The following HMBOX1 variants were observed in gnomAD, a reference collection of about 807,000 sequenced individuals.
HMBOX1 encodes the protein homeobox-containing protein 1.
A neutral mutation model predicts 54.5 loss-of-function variants in HMBOX1; 14 were observed. The observed-to-expected ratio is 0.26, with a 90% CI of 0.17 to 0.40. The LOEUF (loss-of-function observed/expected upper bound fraction) is 0.40, where lower values mean the gene tolerates loss of function less well. Among genes scored for constraint, HMBOX1 ranks in the 10% least tolerant of loss-of-function variants. The pLI, the probability that HMBOX1 is intolerant of heterozygous loss-of-function variation, is 1.00. For missense variants in HMBOX1, 332 were observed against 514.4 expected, an observed-to-expected ratio of 0.65 and a Z score of 3.43; for synonymous variants, 160 against 181.0, an observed-to-expected ratio of 0.88 and a Z score of 0.93.
At chr8:28,973,453 A>C (rs1827786273) in intron 3 of HMBOX1, among the ~76,000 whole-genome samples, 2 of 152,122 alleles carry the variant, frequency 1.3e-5, no homozygotes, top group Non-Finnish European at 2.9e-5. Context: ...CCCCTCCCCC[A>C]TGATATTTGC....
intron 3 of HMBOX1, among the ~76,000 whole-genome samples, chr8:28,972,156 T>C (rs1827540940): frequency 6.6e-6 from 1 of 152,210 alleles, no homozygotes; most frequent in Non-Finnish European, 1.5e-5. Flanking sequence ...TAAAGTATAA[T>C]ATTAATACCT....
rs1244554713 is a variant in HMBOX1 at position 28,970,361 on chromosome 8, C to T, written c.342C>T (p.Thr114=). 6.2e-7 allele frequency: 1 copy of T among 1,614,036 alleles called. No homozygotes were observed. Among genetic ancestry groups the T allele is most frequent in the Admixed American group, 1.7e-5 (1 of 59,998 alleles). ...ATACTTCCCCACAGCCTTGCACTACCAATCAAAATGGGAGGGAGAATAATG... is the reference window on the plus strand; with the variant it reads ...ATACTTCCCCACAGCCTTGCACTACTAATCAAAATGGGAGGGAGAATAATG... ...SYDTSPQPCT[T]NQNGRENNER... Residue 114 remains threonine, a synonymous_variant, in exon 3 of 10, where the codon ACC becomes ACT. Coordinates refer to ENST00000287701, the MANE Select transcript of HMBOX1 (RefSeq NM_001135726.3). The surrounding 1 kb of genome is among the most constrained non-coding windows in gnomAD (Gnocchi z 4.3).
At position 28,984,065 on chromosome 8, in the gene HMBOX1, C is replaced by T. The variant is rs118008294; in HGVS notation, c.586+3909C>T. Among the ~76,000 whole-genome samples the T allele has an allele frequency of 5.6e-4, 86 of 152,266 alleles. No individual in the cohort carries two copies. The East Asian group carries it at 8.7e-3, about 15-fold the overall frequency. ...GTAGAACTGAATAAAGCCTTGTCCT[C>T]GTAATTGGTCTAACTTAGGTTAGAG... On this transcript the variant is annotated intron_variant, in intron 4 of 9. Coordinates refer to ENST00000287701, the MANE Select transcript of HMBOX1 (RefSeq NM_001135726.3).
chr8:28,980,302 T>C (rs1829125151), intron 4 of HMBOX1, 146 bp downstream of exon 4: 1 of 669,498 alleles, frequency 1.5e-6, no homozygotes, highest in African/African-American at 1.8e-5. Flanking sequence ...TTAAAACCCA[T>C]TGTCTCCAAT....
chr8:28,972,977 A>G (rs1354862463), intron 3 of HMBOX1, among the ~76,000 whole-genome samples: 2 of 151,796 alleles, frequency 1.3e-5, no homozygotes, highest in Non-Finnish European at 1.5e-5. Flanking sequence ...ATCTTTTTCC[A>G]TTTCTCTGCT....
At chr8:28,906,633 A>G (rs1814380781) in intron 1 of HMBOX1, among the ~76,000 whole-genome samples, 1 of 151,920 alleles carries the variant, frequency 6.6e-6, no homozygotes, top group Non-Finnish European at 1.5e-5. Flanking sequence ...TCTGTCCCTC[A>G]GGCTGGAGTA....
Position 29,051,548 on chromosome 8 carries a change from C to T in HMBOX1, c.*393C>T. On this transcript the variant is annotated 3_prime_UTR_variant, in exon 10 of 10. Transcript: ENST00000287701. ...CTAGTCTGTACTCCCTTTTCCTTCC[C>T]CAAGACTGATAGGATGCAAGCTGAG... 1 of 702,906 alleles carries T rather than the reference C, an allele frequency of 1.4e-6. No individual in the cohort carries two copies. The allele number at this position is 702,906 out of a possible 1,614,324, so 43.5% of individuals were successfully genotyped here. A position where few individuals can be genotyped will look rare whatever the true frequency, so the allele number is the denominator to read the frequency against.
Position 29,051,593 on chromosome 8 carries a change from A to G in HMBOX1, c.*438A>G. 1.4e-6 allele frequency: 1 copy of G among 703,012 alleles called. No individual in the cohort carries two copies. Among genetic ancestry groups the G allele is most frequent in the South Asian group, 1.5e-5 (1 of 67,586 alleles). 43.5% of individuals were successfully genotyped at this position (703,012 alleles called of 1,614,324 possible). ...GCTGAGGTCGTGGCACAGGAATGAC[A>G]GACACCATTTGGGGAGTATCCACAG... On this transcript the variant is annotated 3_prime_UTR_variant, in exon 10 of 10. Transcript: ENST00000287701.
chr8:28,970,224 G>C lies in HMBOX1; in HGVS notation c.205G>C (p.Gly69Arg), dbSNP rs1354287550. 6.2e-7 allele frequency: 1 copy of C among 1,614,216 alleles called. No individual in the cohort carries two copies. Among genetic ancestry groups the C allele is most frequent in the Admixed American group, 1.7e-5 (1 of 60,028 alleles). ...GTTTGGAAGAAGGTCCAGCTATGGA[G>C]GAAGTTCATATGGGAATAGTACTAA... is the stretch of plus-strand genomic sequence containing the variant. ...DKFGRRSSYG[G>R]SSYGNSTNNV... The change falls in exon 3 of 10, where the codon GGA (glycine) becomes CGA (arginine). Residue 69 changes from glycine to arginine, a missense_variant. Physicochemically the swap from Gly to Arg is moderately radical, Grantham distance 125 (BLOSUM62 -2). Transcript: ENST00000287701. The surrounding 1 kb of genome is among the most constrained non-coding windows in gnomAD (Gnocchi z 4.3).
chr8:28,910,223 T>G (rs1258387922), intron 1 of HMBOX1, among the ~76,000 whole-genome samples: 2 of 152,238 alleles, frequency 1.3e-5, no homozygotes, highest in Non-Finnish European at 2.9e-5. Flanking sequence ...TTTTTGAAGT[T>G]CATCCACTTT....
chr8:28,931,856 C>T (rs1439238794), intron 1 of HMBOX1, among the ~76,000 whole-genome samples: 1 of 152,142 alleles, frequency 6.6e-6, no homozygotes, highest in Non-Finnish European at 1.5e-5. Context: ...CTTATCTTTA[C>T]ATAATGTAAT....
rs368474687 is a variant in HMBOX1, at chr8:28,956,647, C to A, written c.-57-7164C>A. Among the ~76,000 whole-genome samples, 28 of 152,180 alleles carry A rather than the reference C, an allele frequency of 1.8e-4. No individual in the cohort carries two copies. The South Asian group carries it at 5.6e-3, about 30-fold the overall frequency. On this transcript the variant is annotated intron_variant, in intron 1 of 9. Coordinates refer to ENST00000287701, the MANE Select transcript of HMBOX1 (RefSeq NM_001135726.3). ...ATGTGCTGTAATCTATAATTAAGAT[C>A]TTTATTCTGTCCTGCTCATTTGTGT...
chr8:28,920,670 A>G (rs1310862103), intron 1 of HMBOX1, among the ~76,000 whole-genome samples: 2 of 152,230 alleles, frequency 1.3e-5, no homozygotes, highest in African/African-American at 4.8e-5. Flanking sequence ...AATATAAACG[A>G]GCCAAGAAGT....
At chr8:29,034,988 G>C (rs1478079852) in intron 6 of HMBOX1, among the ~76,000 whole-genome samples, 4 of 152,146 alleles carry the variant, frequency 2.6e-5, no homozygotes, top group Non-Finnish European at 2.9e-5. Flanking sequence ...TTAAGAAAAA[G>C]TAATAAGTAC....
chr8:29,003,145 G>T (rs1832890662), intron 4 of HMBOX1, among the ~76,000 whole-genome samples: 2 of 151,506 alleles, frequency 1.3e-5, no homozygotes, highest in South Asian at 2.1e-4. Context: ...TTCTTTAGGG[G>T]ACAGTTAGGT....
chr8:28,924,359 C>T (rs547046559), intron 1 of HMBOX1, among the ~76,000 whole-genome samples: 7 of 151,980 alleles, frequency 4.6e-5, no homozygotes, highest in African/African-American at 1.4e-4. Context: ...TCTGCCCCCT[C>T]GGCCTCCCAA....
At chr8:29,001,549 CAAACAAAACAAAACAAAACA>C (rs59794853) in intron 4 of HMBOX1, among the ~76,000 whole-genome samples, 2,701 of 149,712 alleles carry the variant, frequency 0.018, 47 homozygotes, top group Non-Finnish European at 0.03. Flanking sequence ...GATTCCATCT[CAAACAAAACAAAACAAAACA>C]AAACAAAACA....
intron 9 of HMBOX1, 69 bp downstream of exon 9, chr8:29,049,117 C>A (rs1172554061): frequency 1.3e-6 from 2 of 1,519,912 alleles, no homozygotes; most frequent in Non-Finnish European, 1.8e-6. Context: ...CAGCTTAGTT[C>A]CTTGGGTGTG....
chr8:28,993,773 C>A (rs1831346358), intron 4 of HMBOX1, among the ~76,000 whole-genome samples: 1 of 152,104 alleles, frequency 6.6e-6, no homozygotes, highest in Non-Finnish European at 1.5e-5. Context: ...CTCTCTGATA[C>A]CAATCAGAAT....
Sources: gnomAD v4.1 joint callset for allele counts (sites outside exome capture counted in the v4.1 genomes callset) on GRCh38, gnomAD v4.1.1 for gene constraint, Gnocchi (gnomAD v3.1) non-coding constraint, MANE v1.5 for transcripts, NCBI Gene and HGNC (gene_info 2026-07-23, HGNC 2026-07-21) for gene names.